TRPM4: variants seen among roughly 807,000 people sequenced by gnomAD.
The protein encoded by TRPM4 is calcium-activated non-selective cation channel 1.
In TRPM4, 124 loss-of-function variants were observed where a neutral mutation model predicts 135.6. The ratio of observed to expected loss-of-function variants is 0.91; its 90% CI spans 0.79 to 1.06. TRPM4 has a LOEUF of 1.06. Among genes scored for constraint, TRPM4 ranks in the 50% least tolerant of loss-of-function variants. The pLI, the probability that TRPM4 is intolerant of heterozygous loss-of-function variation, is 0.00. For missense variants in TRPM4, 1,658 were observed against 1,671.4 expected (o/e 0.99, Z 0.14); for synonymous variants, 745 against 705.6 (o/e 1.06, Z -0.88).
chr19:49,177,200 T>G (rs560485906), intron 9 of TRPM4, among the ~76,000 whole-genome samples: 163 of 151,962 alleles, frequency 1.1e-3, no homozygotes, highest in African/African-American at 3.7e-3. Context: ...GGGGGTGGTG[T>G]TGTAAGCCCA....
intron 17 of TRPM4, among the ~76,000 whole-genome samples, chr19:49,197,178 C>A (rs1025849608): frequency 1.3e-5 from 2 of 152,114 alleles, no homozygotes; most frequent in Admixed American, 6.6e-5. Flanking sequence ...AGCGCCCCGA[C>A]CTGGGTGCCA....
In TRPM4 at chr19:49,158,272, C is replaced by T. The variant is rs757909172; in HGVS notation, c.92+13C>T. 6.8e-6 allele frequency: 11 copies of T among 1,613,314 alleles called. No homozygotes were observed. The Admixed American group carries it at 8.3e-5, about 12-fold the overall frequency. On this transcript the variant is annotated intron_variant, in intron 2 of 24. Transcript: ENST00000252826. ...CCACAGATCCGGGGTGAGGAGTTCGCCCCTGGACTGACCCCAGAGGGTCCG... is the reference window on the plus strand; with the variant it reads ...CCACAGATCCGGGGTGAGGAGTTCGTCCCTGGACTGACCCCAGAGGGTCCG...
In TRPM4 at chr19:49,182,668, G is replaced by A; in HGVS notation, c.1354G>A (p.Gly452Ser). ...GCTCATTTCCCACGGCCTCAGCCTG[G>A]GCCACTTCCTGACCCCGATGCGCCT... ...RLLISHGLSL[G>S]HFLTPMRLAQ... The change falls in exon 11 of 25, where the codon GGC becomes AGC. Residue 452 changes from glycine to serine, a missense_variant. Gly to Ser is a moderately conservative substitution (Grantham distance 56, BLOSUM62 0). Coordinates refer to ENST00000252826, the MANE Select transcript of TRPM4 (RefSeq NM_017636.4). The A allele has an allele frequency of 1.2e-6, 2 of 1,614,180 alleles. No individual in the cohort carries two copies. Among genetic ancestry groups the A allele is most frequent in the Non-Finnish European group, 1.7e-6 (2 of 1,180,044 alleles).
intron 14 of TRPM4, 121 bp downstream of exon 14, chr19:49,189,212 C>T: frequency 7.1e-7 from 1 of 1,411,744 alleles, no homozygotes; most frequent in Non-Finnish European, 9.8e-7. Context: ...CTGGAGATCC[C>T]CCAGAAAGTC....
chr19:49,196,474 G>A lies in TRPM4; in HGVS notation c.2245G>A (p.Val749Ile). The A allele has an allele frequency of 1.3e-6, 2 of 1,555,014 alleles. No homozygotes were observed. The highest frequency in any genetic ancestry group is 1.7e-6 in the Non-Finnish European group (2 of 1,153,402). The change falls in exon 17 of 25, where the codon GTC (valine) becomes ATC (isoleucine). Residue 749 changes from valine to isoleucine, a missense_variant. Val to Ile is a conservative substitution (Grantham distance 29, BLOSUM62 3). Coordinates refer to ENST00000252826, the MANE Select transcript of TRPM4 (RefSeq NM_017636.4). The part of the protein sequence containing the change: ...ADPAEKTPLG[V>I]PRQSGRPGCC... ...CCCAGCCGAGAAGACGCCGCTGGGG[G>A]TCCCGCGCCAGTCGGGCCGTCCGGG...
In TRPM4 at chr19:49,167,967, C is replaced by G. The variant is rs769684226; in HGVS notation, c.318C>G (p.Val106=). ...ATCCAGCTGCAGTTTATAGTCTGGT[C>G]ACACGCACATGGGGCTTCCGTGCCC... ...RTDPAAVYSL[V]TRTWGFRAPN... is the part of the protein sequence containing the mutation. Residue 106 remains valine (V), a synonymous_variant, in exon 4 of 25, where the codon GTC becomes GTG. Coordinates refer to ENST00000252826, the MANE Select transcript of TRPM4 (RefSeq NM_017636.4). The G allele has an allele frequency of 1.9e-6, 3 of 1,613,990 alleles. No homozygotes were observed.
At chr19:49,197,072 C>CA (rs1968684274) in intron 17 of TRPM4, among the ~76,000 whole-genome samples, 198 bp downstream of exon 17, 1 of 152,302 alleles carries the variant, frequency 6.6e-6, no homozygotes, top group Admixed American at 6.5e-5. Context: ...GATCTGGCTT[C>CA]AGGGACGGCA....
intron 14 of TRPM4, among the ~76,000 whole-genome samples, chr19:49,189,393 G>A (rs982889719): frequency 9.2e-5 from 14 of 152,264 alleles, no homozygotes; most frequent in Admixed American, 8.5e-4. Context: ...AGTCCTTCCC[G>A]CTTTCAGGGA....
At chr19:49,164,372 T>TG in intron 2 of TRPM4, among the ~76,000 whole-genome samples, 1 of 82,460 alleles carries the variant, frequency 1.2e-5, no homozygotes, top group Non-Finnish European at 2.4e-5. Context: ...TAGTTTTTTT[T>TG]TTTTTTTTTT....
chr19:49,197,176 G>A (rs998277329), intron 17 of TRPM4, among the ~76,000 whole-genome samples: 5 of 152,020 alleles, frequency 3.3e-5, no homozygotes, highest in African/African-American at 1.2e-4. Context: ...GGAGCGCCCC[G>A]ACCTGGGTGC....
chr19:49,167,805 G>T, intron 3 of TRPM4, 112 bp from the exon 4 acceptor site: 1 of 852,692 alleles, frequency 1.2e-6, no homozygotes, highest in Admixed American at 1.8e-5. Context: ...TCTCTCTCTG[G>T]GTCTCTGTCC....
chr19:49,200,834 C>T, intron 19 of TRPM4, 49 bp downstream of exon 19: 2 of 1,590,130 alleles, frequency 1.3e-6, no homozygotes, highest in African/African-American at 1.3e-5. Flanking sequence ...TCTGTCCCCG[C>T]TCCCTGGGTC....
At chr19:49,159,910 T>C (rs1051526126) in intron 2 of TRPM4, 1 of 152,258 alleles carries the variant, frequency 6.6e-6, no homozygotes, top group African/African-American at 2.4e-5. Context: ...TAAACAGATA[T>C]GCGCTTGTTG....
intron 2 of TRPM4, among the ~76,000 whole-genome samples, chr19:49,162,454 G>T (rs897111036): frequency 2.6e-5 from 4 of 152,078 alleles, no homozygotes; most frequent in Non-Finnish European, 5.9e-5. Context: ...CACGAGAGTC[G>T]CTTGAGCCCA....
At chr19:49,181,839 C>T (rs922383149) in intron 10 of TRPM4, among the ~76,000 whole-genome samples, 2 of 151,986 alleles carry the variant, frequency 1.3e-5, no homozygotes, top group African/African-American at 4.8e-5. Context: ...GCCTCTCTGC[C>T]TTCTTAGACG....
Position 49,211,495 on chromosome 19 carries a change from C to G in TRPM4, c.3642C>G (p.Asp1214Glu). The G allele has an allele frequency of 6.2e-7, 1 of 1,614,100 alleles. No homozygotes were observed. Among genetic ancestry groups the G allele is most frequent in the South Asian group, 1.1e-5 (1 of 91,084 alleles). ...TCTCTCTTTTCTCTCTTCCCCCAGA[C>G]TGAGCCCTGCTGGCGGACTTCAAGG... The part of the protein sequence containing the change: ...PPPPDLPGSK[D>E] The change falls in exon 25 of 25, where the codon GAC (aspartate) becomes GAG (glutamate). Residue 1214 changes from aspartate to glutamate, a missense_variant and splice_region_variant. Asp to Glu is a conservative substitution (Grantham distance 45). This residue lies in a region of TRPM4 where 1,412 missense variants were observed against 1,408.7 expected (regional missense o/e 1.00). Transcript: ENST00000252826. This position sits in a 1 kb window ranked among gnomAD's most constrained non-coding sequence, Gnocchi z 4.8.
At chr19:49,163,327 C>T (rs1967041191) in intron 2 of TRPM4, among the ~76,000 whole-genome samples, 1 of 151,836 alleles carries the variant, frequency 6.6e-6, no homozygotes, top group South Asian at 2.1e-4. Context: ...TCCTGAGTAG[C>T]TGGGACTACA....
chr19:49,173,797 A>AT (rs372539731), intron 9 of TRPM4, among the ~76,000 whole-genome samples: 36 of 152,080 alleles, frequency 2.4e-4, no homozygotes, highest in African/African-American at 8.4e-4. Context: ...AGCTGGGAAC[A>AT]TACCCGCCCA....
chr19:49,204,553 A>G (rs368208049), intron 20 of TRPM4, among the ~76,000 whole-genome samples: 1 of 151,816 alleles, frequency 6.6e-6, no homozygotes, highest in African/African-American at 2.4e-5. Context: ...TGGGCAACAT[A>G]GCGAGGCTGC....
Sources: allele counts gnomAD v4.1 joint callset (sites outside exome capture counted in the v4.1 genomes callset), GRCh38; gene constraint gnomAD v4.1.1; regional missense constraint gnomAD v4.1.1; non-coding constraint Gnocchi (gnomAD v3.1); transcripts MANE v1.5; gene names NCBI Gene and HGNC (gene_info 2026-07-23, HGNC 2026-07-21).